The following NCK2 variants were observed in gnomAD, a reference collection of about 807,000 sequenced individuals.
The protein encoded by NCK2 is cytoplasmic protein NCK2.
A neutral mutation model predicts 33.9 loss-of-function variants in NCK2; 16 were observed. The ratio of observed to expected loss-of-function variants is 0.47; its 90% CI spans 0.32 to 0.72. The LOEUF is 0.72. NCK2 is among the 30% of genes least tolerant of loss of function. NCK2 has a pLI of 0.03. For missense variants in NCK2, 418 were observed against 537.3 expected (o/e 0.78, Z 2.19); for synonymous variants, 273 against 239.9 (o/e 1.14, Z -1.27).
At chr2:105,771,750 A>G (rs566373215) in intron 1 of NCK2, among the ~76,000 whole-genome samples, 6 of 152,244 alleles carry the variant, frequency 3.9e-5, no homozygotes, top group Admixed American at 2.0e-4. Flanking sequence ...TAGAAAAAGC[A>G]TGTACCTGGG....
chr2:105,836,613 T>C (rs1676447424), intron 2 of NCK2, among the ~76,000 whole-genome samples: 1 of 152,188 alleles, frequency 6.6e-6, no homozygotes, highest in African/African-American at 2.4e-5. Flanking sequence ...GCTCCCTTTG[T>C]TCTAGGGGAA....
At chr2:105,878,667 G>T (rs976961223) in intron 3 of NCK2, among the ~76,000 whole-genome samples, 1 of 152,184 alleles carries the variant, frequency 6.6e-6, no homozygotes, top group Non-Finnish European at 1.5e-5. Flanking sequence ...AGACTAGTAT[G>T]TTCACATTTG....
rs534686906 is a variant in NCK2 at position 105,752,458 on chromosome 2, A to G, written c.-201+7320A>G. Among the ~76,000 whole-genome samples the G allele has an allele frequency of 7.0e-4, 106 of 152,354 alleles. 1 individual carries two copies. Among genetic ancestry groups the G allele is most frequent in the African/African-American group, 2.5e-3 (105 of 41,590 alleles). Reference sequence around the variant, plus strand: ...CTTAAAATGTGGTTTGAATTCTAGAAGTTACCAGTGTAAAATAACATTTTT... The same window carrying G: ...CTTAAAATGTGGTTTGAATTCTAGAGGTTACCAGTGTAAAATAACATTTTT... On this transcript the variant is annotated intron_variant, in intron 1 of 4. Transcript: ENST00000233154.
intron 4 of NCK2, among the ~76,000 whole-genome samples, chr2:105,891,532 ATTTTTTTTTTTTTTTTT>A (rs757598660): frequency 1.8e-4 from 15 of 81,330 alleles, no homozygotes; most frequent in Non-Finnish European, 2.2e-4. Flanking sequence ...TAAAAGACCA[ATTTTTTTTTTTTTTTTT>A]TTTTTTTTTT....
chr2:105,784,090 C>T (rs1396431851), intron 1 of NCK2, among the ~76,000 whole-genome samples: 4 of 152,192 alleles, frequency 2.6e-5, no homozygotes, highest in Non-Finnish European at 5.9e-5. Context: ...CATTTTCATT[C>T]AGGAAAGCGT....
chr2:105,828,411 T>G (rs574012585), intron 2 of NCK2, among the ~76,000 whole-genome samples: 1 of 152,276 alleles, frequency 6.6e-6, no homozygotes, highest in African/African-American at 2.4e-5. Flanking sequence ...TTGGTCAAAT[T>G]TAAAAAATGG....
chr2:105,749,115 T>C (rs1218521247), intron 1 of NCK2, among the ~76,000 whole-genome samples: 11 of 152,212 alleles, frequency 7.2e-5, no homozygotes, highest in Admixed American at 2.0e-4. Flanking sequence ...CTGTATTACC[T>C]GGTGGGCTGG....
At chr2:105,790,138 C>T (rs993206150) in intron 1 of NCK2, among the ~76,000 whole-genome samples, 5 of 152,194 alleles carry the variant, frequency 3.3e-5, no homozygotes, top group Admixed American at 6.5e-5. Flanking sequence ...GCTAAAAATA[C>T]GGGCAGCCGT....
intron 2 of NCK2, among the ~76,000 whole-genome samples, chr2:105,824,222 C>T (rs13025634): frequency 0.21 from 31,263 of 150,588 alleles, 3,852 homozygotes; most frequent in East Asian, 0.32. Flanking sequence ...ATGCCCCGTC[C>T]GTAAATGTCA....
chr2:105,881,534 A>T lies in NCK2; in HGVS notation c.433A>T (p.Ser145Cys). ...GSRVTVMEKC[S>C]DGWWRGSYNG... ...GCGCGTCACCGTCATGGAGAAGTGC[A>T]GCGACGGTTGGTGGCGGGGCAGCTA... is the stretch of plus-strand genomic sequence containing the variant. The change falls in exon 4 of 5, where the codon AGC becomes TGC. Residue 145 changes from serine to cysteine, a missense_variant. Transcript: ENST00000233154. The T allele has an allele frequency of 6.2e-7, 1 of 1,614,044 alleles. No individual in the cohort carries two copies. Among genetic ancestry groups the T allele is most frequent in the Non-Finnish European group, 8.5e-7 (1 of 1,180,018 alleles).
At chr2:105,891,357 CAT>C (rs753332048) in intron 4 of NCK2, among the ~76,000 whole-genome samples, 24 of 152,092 alleles carry the variant, frequency 1.6e-4, no homozygotes, top group African/African-American at 5.1e-4. Flanking sequence ...TGTCACAGAG[CAT>C]ATGTCCTGCA....
intron 2 of NCK2, among the ~76,000 whole-genome samples, chr2:105,844,269 T>G (rs1267835056): frequency 2.0e-5 from 3 of 152,106 alleles, no homozygotes; most frequent in Non-Finnish European, 4.4e-5. Context: ...TGTGGGATCC[T>G]GGGTGGGATC....
intron 1 of NCK2, among the ~76,000 whole-genome samples, chr2:105,797,907 C>T (rs1307745707): frequency 6.6e-6 from 1 of 152,104 alleles, no homozygotes; most frequent in Non-Finnish European, 1.5e-5. Context: ...TTTTAAGCTA[C>T]CGGCACTAAC....
chr2:105,766,687 G>A (rs1247521790), intron 1 of NCK2, among the ~76,000 whole-genome samples: 1 of 152,152 alleles, frequency 6.6e-6, no homozygotes, highest in African/African-American at 2.4e-5. Flanking sequence ...TAGTCTGTGA[G>A]GGAGAATCCT....
upstream of NCK2, among the ~76,000 whole-genome samples, chr2:105,744,643 C>G (rs1689196497): frequency 1.3e-5 from 2 of 151,950 alleles, no homozygotes; most frequent in Non-Finnish European, 2.9e-5. Flanking sequence ...GCTGCGCCTC[C>G]AGAGCGGAGC....
intron 1 of NCK2, among the ~76,000 whole-genome samples, chr2:105,766,817 A>G (rs1689963875): frequency 6.6e-6 from 1 of 152,074 alleles, no homozygotes; most frequent in South Asian, 2.1e-4. Flanking sequence ...CCTCCAAACT[A>G]TTTCCATCTG....
chr2:105,823,062 T>C (rs1675804778), intron 2 of NCK2, among the ~76,000 whole-genome samples: 1 of 151,760 alleles, frequency 6.6e-6, no homozygotes, highest in Non-Finnish European at 1.5e-5. Flanking sequence ...GCAGTTGAGG[T>C]TCTCAAACTA....
At chr2:105,761,294 G>A (rs142715187) in intron 1 of NCK2, among the ~76,000 whole-genome samples, 1 of 152,258 alleles carries the variant, frequency 6.6e-6, no homozygotes, top group East Asian at 1.9e-4. Flanking sequence ...TTAACTCCTG[G>A]CTGACTGACT....
Position 105,855,369 on chromosome 2 carries a change from C to A in NCK2, c.226+80C>A, listed in dbSNP as rs1180132816. 5.4e-4 allele frequency: 402 copies of A among 744,474 alleles called. 2 individuals are homozygous for A. The highest frequency in any genetic ancestry group is 7.4e-4 in the Middle Eastern group (2 of 2,688). The allele number at this position is 744,474 out of a possible 1,614,324, so 46.1% of individuals were successfully genotyped here. On this transcript the variant is annotated intron_variant, in intron 3 of 4. Coordinates refer to ENST00000233154, the MANE Select transcript of NCK2 (RefSeq NM_003581.5). ...CGTCTTTCTAGTTAGTTTGCTGTTT[C>A]AAAAAAAAAAAAGTCTGTTTTAAAA...
Sources: allele counts gnomAD v4.1 joint callset (sites outside exome capture counted in the v4.1 genomes callset), GRCh38; gene constraint gnomAD v4.1.1; transcripts MANE v1.5; gene names NCBI Gene and HGNC (gene_info 2026-07-23, HGNC 2026-07-21).